FARP1: variants seen among roughly 807,000 people sequenced by gnomAD.
The protein encoded by FARP1 is FERM, ARHGEF and pleckstrin domain-containing protein 1.
In FARP1, 52 loss-of-function variants were observed where a neutral mutation model predicts 128.8. That is an observed-to-expected ratio of 0.40 (90% CI 0.32 to 0.51). The LOEUF is 0.51. Ranked by LOEUF, FARP1 falls within the 20% of genes least tolerant of loss-of-function variation. The pLI is 0.45. For synonymous variants in FARP1, 580 were observed against 551.8 expected (o/e 1.05, Z -0.72); for missense variants, 1,333 against 1,367.9 (o/e 0.97, Z 0.40).
At chr13:98,336,428 C>T (rs1209864156) in intron 2 of FARP1, among the ~76,000 whole-genome samples, 1 of 152,110 alleles carries the variant, frequency 6.6e-6, no homozygotes, top group African/African-American at 2.4e-5. Context: ...CGCCACCACG[C>T]CCAGATAATT....
intron 1 of FARP1, among the ~76,000 whole-genome samples, chr13:98,182,895 C>T (rs974350723): frequency 6.6e-6 from 1 of 152,158 alleles, no homozygotes; most frequent in African/African-American, 2.4e-5. Flanking sequence ...TGGATGTGCC[C>T]ATGAGGTTCT....
chr13:98,346,793 G>A (rs558848956), intron 3 of FARP1, among the ~76,000 whole-genome samples: 26 of 152,254 alleles, frequency 1.7e-4, no homozygotes, highest in African/African-American at 6.0e-4. Flanking sequence ...TTGAGGGGAT[G>A]CCGTAAATGA....
chr13:98,168,033 G>T (rs914359731), intron 1 of FARP1, among the ~76,000 whole-genome samples: 13 of 152,034 alleles, frequency 8.6e-5, no homozygotes, highest in Admixed American at 1.3e-4. Flanking sequence ...TTAGCCAGGC[G>T]TGGTGGCGGG....
chr13:98,242,155 T>TTA (rs1278449136), intron 2 of FARP1, among the ~76,000 whole-genome samples: 2 of 152,100 alleles, frequency 1.3e-5, no homozygotes, highest in African/African-American at 4.8e-5. Context: ...CAACCTATGT[T>TTA]TAGATGGACC....
chr13:98,268,079 CTG>C (rs1884213203), intron 2 of FARP1, among the ~76,000 whole-genome samples: 1 of 152,216 alleles, frequency 6.6e-6, no homozygotes, highest in Non-Finnish European at 1.5e-5. Context: ...AACGGAAACT[CTG>C]TATCCATTTA....
At chr13:98,411,762 T>C (rs1279319440) in intron 15 of FARP1, 139 bp from the exon 16 acceptor site, 1 of 850,416 alleles carries the variant, frequency 1.2e-6, no homozygotes, top group African/African-American at 1.7e-5. Context: ...GGCAGCCCCG[T>C]GTTCCTGAAA....
chr13:98,264,709 A>C (rs888718059), intron 2 of FARP1, among the ~76,000 whole-genome samples: 1 of 152,226 alleles, frequency 6.6e-6, no homozygotes, highest in Non-Finnish European at 1.5e-5. Context: ...CTATAGTAAG[A>C]ATGAATGGTA....
intron 2 of FARP1, among the ~76,000 whole-genome samples, chr13:98,263,060 G>C (rs557734655): frequency 6.6e-6 from 1 of 152,102 alleles, no homozygotes; most frequent in Non-Finnish European, 1.5e-5. Flanking sequence ...CCAGGCTGGA[G>C]TGCCGTCGCG....
intron 2 of FARP1, among the ~76,000 whole-genome samples, chr13:98,324,299 G>A (rs145894136): frequency 1.6e-4 from 24 of 152,280 alleles, no homozygotes; most frequent in South Asian, 1.2e-3. Context: ...AAATCTTGGC[G>A]TGTCTACTCC....
rs1197721369 is a variant in FARP1, at chr13:98,439,048, T to G, written c.2344-59T>G. 11 of 1,474,122 alleles carry G rather than the reference T, an allele frequency of 7.5e-6. No individual in the cohort carries two copies. In the African/African-American group the frequency reaches 1.4e-4, roughly 19 times the overall value. The allele number at this position is 1,474,122 out of a possible 1,614,324, so 91.3% of individuals were successfully genotyped here. ...AGGCACAGTTGAGGACAGGGAATGC[T>G]GGAGGGAAGCCTGCTGTCCAAACGT... is the stretch of plus-strand genomic sequence containing the variant. On this transcript the variant is annotated intron_variant, in intron 20 of 26. Transcript: ENST00000319562.
chr13:98,204,070 A>T (rs1244550022), intron 1 of FARP1: 1 of 152,218 alleles, frequency 6.6e-6, no homozygotes, highest in Non-Finnish European at 1.5e-5. Flanking sequence ...GTGGTGAGGG[A>T]GGAAAGGAAC....
At chr13:98,339,248 C>T (rs78571124) in intron 2 of FARP1, among the ~76,000 whole-genome samples, 4,632 of 152,284 alleles carry the variant, frequency 0.03, 96 homozygotes, top group Non-Finnish European at 0.045. Context: ...CCTCAGGAAA[C>T]TTACAGTCAC....
intron 2 of FARP1, among the ~76,000 whole-genome samples, chr13:98,220,713 C>G (rs537634016): frequency 1.2e-4 from 19 of 152,154 alleles, no homozygotes; most frequent in African/African-American, 4.6e-4. Flanking sequence ...TCTGGCGTCT[C>G]AGGAGCAAAG....
At chr13:98,166,395 T>C (rs1566686999) in intron 1 of FARP1, among the ~76,000 whole-genome samples, 1 of 152,274 alleles carries the variant, frequency 6.6e-6, no homozygotes, top group Non-Finnish European at 1.5e-5. Context: ...ATTCGTTTTA[T>C]GAACTTGCAT....
rs747740934 is a variant in FARP1, at chr13:98,440,051, G to A, written c.2516+8G>A. ...CATCATCGTGGCCGCCAGGTAACTC[G>A]GGAGCCCGCCCCTTGCCTGTTTCCC... On this transcript the variant is annotated splice_region_variant and intron_variant, in intron 22 of 26. Transcript: ENST00000319562. The A allele has an allele frequency of 1.4e-5, 23 of 1,608,040 alleles. No homozygotes were observed. The highest frequency in any genetic ancestry group is 5.0e-5 in the Admixed American group (3 of 59,898).
At chr13:98,168,957 A>G (rs935476518) in intron 1 of FARP1, among the ~76,000 whole-genome samples, 1 of 152,214 alleles carries the variant, frequency 6.6e-6, no homozygotes, top group African/African-American at 2.4e-5. Context: ...TGTGTATATC[A>G]TTATGACTGT....
intron 3 of FARP1, among the ~76,000 whole-genome samples, chr13:98,359,453 GA>G (rs1468745508): frequency 2.6e-5 from 4 of 152,140 alleles, no homozygotes; most frequent in East Asian, 1.9e-4. Context: ...ATAATAGGGG[GA>G]AAAAGGATGT....
chr13:98,153,360 T>TA (rs200780280), intron 1 of FARP1, among the ~76,000 whole-genome samples: 51,252 of 88,636 alleles, frequency 0.58, 10,945 homozygotes, highest in Middle Eastern at 0.63. Flanking sequence ...TAAAAATATA[T>TA]AAAATATGTT....
intron 1 of FARP1, among the ~76,000 whole-genome samples, chr13:98,150,618 G>A (rs1342669461): frequency 1.3e-5 from 2 of 152,162 alleles, no homozygotes; most frequent in Non-Finnish European, 2.9e-5. Context: ...AATATATTCA[G>A]TGTTGGAAGA....
Sources: allele counts gnomAD v4.1 joint callset (sites outside exome capture counted in the v4.1 genomes callset), GRCh38; gene constraint gnomAD v4.1.1; transcripts MANE v1.5; gene names NCBI Gene and HGNC (gene_info 2026-07-23, HGNC 2026-07-21).